Variants in SLC14A2 observed in about 807,000 individuals in gnomAD.
SLC14A2 encodes the protein solute carrier family 14 member 2.
A neutral mutation model predicts 104.6 loss-of-function variants in SLC14A2; 91 were observed. The ratio of observed to expected loss-of-function variants is 0.87; its 90% confidence interval spans 0.73 to 1.04. The LOEUF is 1.04. SLC14A2 is among the 50% of genes least tolerant of loss of function. The pLI is 0.00. For missense variants in SLC14A2, 1,189 were observed against 1,156.0 expected (o/e 1.03, Z -0.41); for synonymous variants, 476 against 466.4 (o/e 1.02, Z -0.27).
chr18:45,235,933 A>G (rs1313045550), intron 1 of SLC14A2, among the ~76,000 whole-genome samples: 7 of 110,598 alleles, frequency 6.3e-5, no homozygotes, highest in African/African-American at 2.6e-4. Flanking sequence ...GTATATATGT[A>G]TATATACATA....
At chr18:45,417,749 T>C (rs1281060436) in intron 1 of SLC14A2, among the ~76,000 whole-genome samples, 3 of 152,172 alleles carry the variant, frequency 2.0e-5, no homozygotes, top group Non-Finnish European at 2.9e-5. Context: ...GTCATTGCCT[T>C]AAGTGTGACC....
intron 1 of SLC14A2, among the ~76,000 whole-genome samples, chr18:45,323,260 A>G (rs1000764457): frequency 5.9e-5 from 9 of 152,242 alleles, no homozygotes; most frequent in African/African-American, 1.7e-4. Context: ...TTACAGAACT[A>G]TGAAAAAGCA....
At chr18:45,621,593 C>G (rs1181408884) in intron 1 of SLC14A2, among the ~76,000 whole-genome samples, 2 of 152,190 alleles carry the variant, frequency 1.3e-5, no homozygotes, top group African/African-American at 2.4e-5. Context: ...TTCCTCCCCC[C>G]CACCTCTTCC....
intron 2 of SLC14A2, among the ~76,000 whole-genome samples, chr18:45,565,628 G>C (rs564220077): frequency 1.5e-3 from 235 of 152,278 alleles, no homozygotes; most frequent in African/African-American, 5.4e-3. Context: ...ACATCTGGTC[G>C]GTGGCAGAAC....
intron 1 of SLC14A2, among the ~76,000 whole-genome samples, chr18:45,299,131 G>T (rs978055867): frequency 6.6e-6 from 1 of 152,204 alleles, no homozygotes; most frequent in African/African-American, 2.4e-5. Context: ...AATGTTCACC[G>T]GAAGATAGCT....
At position 45,675,701 on chromosome 18, in the gene SLC14A2, ATATATATATTTTT is replaced by A. The variant is rs1381709498; in HGVS notation, c.2512+1886_2512+1898del. The stretch of plus-strand genomic sequence containing the variant: ...AGCTAATTTCTATATATATATATAT[ATATATATATTTTT>A]TTTTTTTTTTTTTTTGGAGAGACAG... On this transcript the variant is annotated intron_variant, in intron 18 of 19. Transcript: ENST00000255226. 5.4e-3 allele frequency among the ~76,000 whole-genome samples: 343 copies of A among 63,960 alleles called. 3 individuals are homozygous for A. Among genetic ancestry groups the A allele is most frequent in the African/African-American group, 0.019 (323 of 16,812 alleles). 42.0% of individuals were successfully genotyped at this position (63,960 alleles called of 152,430 possible).
At chr18:45,312,559 T>C (rs2085089459) in intron 1 of SLC14A2, among the ~76,000 whole-genome samples, 1 of 151,846 alleles carries the variant, frequency 6.6e-6, no homozygotes, top group Non-Finnish European at 1.5e-5. Context: ...ATGAAGCAAA[T>C]GGGGGGAAAA....
intron 1 of SLC14A2, among the ~76,000 whole-genome samples, chr18:45,237,524 A>G (rs2084267906): frequency 6.6e-6 from 1 of 152,158 alleles, no homozygotes; most frequent in African/African-American, 2.4e-5. Flanking sequence ...TACGCTCCCC[A>G]TTCTCATGCC....
chr18:45,271,268 A>G (rs1473640276), intron 1 of SLC14A2, among the ~76,000 whole-genome samples: 1 of 152,094 alleles, frequency 6.6e-6, no homozygotes, highest in Non-Finnish European at 1.5e-5. Flanking sequence ...TAGACATCTT[A>G]GTGGCTGGGC....
At chr18:45,354,975 A>G (rs1362208547) in intron 1 of SLC14A2, among the ~76,000 whole-genome samples, 1 of 152,208 alleles carries the variant, frequency 6.6e-6, no homozygotes, top group Non-Finnish European at 1.5e-5. Flanking sequence ...TAAATGGAGC[A>G]TATATTGGTA....
chr18:45,583,590 G>C (rs141022421), intron 2 of SLC14A2, among the ~76,000 whole-genome samples: 1,802 of 152,222 alleles, frequency 0.012, 39 homozygotes, highest in African/African-American at 0.041. Context: ...AATGAGATAA[G>C]ACAGGCACTA....
chr18:45,340,730 A>G (rs1383712913), intron 1 of SLC14A2, among the ~76,000 whole-genome samples: 1 of 152,180 alleles, frequency 6.6e-6, no homozygotes, highest in Non-Finnish European at 1.5e-5. Context: ...AACCACAAAC[A>G]CTGTGTTTGT....
chr18:45,445,743 G>T (rs1208702156), intron 1 of SLC14A2, among the ~76,000 whole-genome samples: 1 of 152,168 alleles, frequency 6.6e-6, no homozygotes, highest in Non-Finnish European at 1.5e-5. Context: ...AGATGGAGTA[G>T]GCAGTTGCCT....
intron 2 of SLC14A2, among the ~76,000 whole-genome samples, chr18:45,610,175 C>T (rs1000477892): frequency 6.6e-6 from 1 of 152,046 alleles, no homozygotes; most frequent in Non-Finnish European, 1.5e-5. Flanking sequence ...TGAGTGAGCC[C>T]AGGAATCACC....
intron 2 of SLC14A2, among the ~76,000 whole-genome samples, chr18:45,534,816 C>A (rs142954790): frequency 6.6e-6 from 1 of 152,172 alleles, no homozygotes; most frequent in Non-Finnish European, 1.5e-5. Context: ...GGAGAACTAA[C>A]TAGTTCATGG....
At chr18:45,390,745 G>T (rs897801123) in intron 1 of SLC14A2, among the ~76,000 whole-genome samples, 1 of 152,168 alleles carries the variant, frequency 6.6e-6, no homozygotes, top group Non-Finnish European at 1.5e-5. Context: ...TGCAATGGCT[G>T]CTGGAGCCAG....
chr18:45,303,658 G>T (rs761102891), intron 1 of SLC14A2, among the ~76,000 whole-genome samples: 2 of 152,180 alleles, frequency 1.3e-5, no homozygotes, highest in African/African-American at 2.4e-5. Flanking sequence ...ATATTCATGG[G>T]TCTGCAATAC....
At chr18:45,557,751 C>T (rs2044151127) in intron 2 of SLC14A2, among the ~76,000 whole-genome samples, 1 of 152,132 alleles carries the variant, frequency 6.6e-6, no homozygotes, top group Non-Finnish European at 1.5e-5. Flanking sequence ...CTGGCAAGTG[C>T]TTTCTCATTG....
chr18:45,226,722 G>C (rs928356752), intron 1 of SLC14A2, among the ~76,000 whole-genome samples: 3 of 151,626 alleles, frequency 2.0e-5, no homozygotes, highest in Non-Finnish European at 4.4e-5. Context: ...TGTAAATGAC[G>C]AGTTAATGGG....
Sources: gnomAD v4.1 joint callset for allele counts (sites outside exome capture counted in the v4.1 genomes callset) on GRCh38, gnomAD v4.1.1 for gene constraint, MANE v1.5 for transcripts, NCBI Gene and HGNC (gene_info 2026-07-23, HGNC 2026-07-21) for gene names.